The following PDE4D variants were observed in gnomAD, a reference collection of about 807,000 sequenced individuals.
PDE4D encodes 3',5'-cyclic-AMP phosphodiesterase 4D.
PDE4D carries 24 observed loss-of-function variants against 87.4 expected under a neutral mutation model. The observed-to-expected ratio is 0.27, with a 90% confidence interval of 0.20 to 0.39. PDE4D has a LOEUF of 0.39. Ranked by LOEUF, PDE4D falls within the 10% of genes least tolerant of loss-of-function variation. The pLI, the probability that PDE4D is intolerant of heterozygous loss-of-function variation, is 1.00. For missense variants in PDE4D, 714 were observed against 1,041.0 expected (o/e 0.69, Z 4.32); for synonymous variants, 384 against 383.2 (o/e 1.00, Z -0.02).
chr5:60,231,269 A>C (rs1160784745), intron 1 of PDE4D, among the ~76,000 whole-genome samples: 1 of 151,988 alleles, frequency 6.6e-6, no homozygotes, highest in Non-Finnish European at 1.5e-5. Context: ...AATTGGGGTC[A>C]TATGACCTGC....
intron 2 of PDE4D, chr5:60,033,053 G>C (rs1767412259): frequency 6.6e-6 from 1 of 152,080 alleles, no homozygotes; most frequent in African/African-American, 2.4e-5. Context: ...TTTGTGATTA[G>C]AGATCATGTC....
At chr5:59,180,258 C>T (rs1324845213) in intron 5 of PDE4D, 1 of 439,410 alleles carries the variant, frequency 2.3e-6, no homozygotes, top group East Asian at 5.7e-5. Flanking sequence ...TTATATCATG[C>T]TAATAACACA....
At chr5:59,993,995 A>G (rs1763274608) in intron 2 of PDE4D, among the ~76,000 whole-genome samples, 1 of 152,080 alleles carries the variant, frequency 6.6e-6, no homozygotes, top group African/African-American at 2.4e-5. Flanking sequence ...GCCTAAAGTA[A>G]GCAATTCCAT....
chr5:58,978,594 G>GA (rs1426800258), intron 11 of PDE4D, among the ~76,000 whole-genome samples: 2 of 152,238 alleles, frequency 1.3e-5, no homozygotes, highest in East Asian at 3.9e-4. Context: ...CTAGGAAGGA[G>GA]AGGAGAGGCT....
chr5:59,002,107 G>A, intron 6 of PDE4D: 1 of 509,682 alleles, frequency 2.0e-6, no homozygotes, highest in South Asian at 1.4e-5. Context: ...AAAAGACTGA[G>A]AGAAATAGAA....
chr5:60,212,970 A>G (rs1200644895), intron 1 of PDE4D, among the ~76,000 whole-genome samples: 3 of 152,102 alleles, frequency 2.0e-5, no homozygotes, highest in Non-Finnish European at 4.4e-5. Flanking sequence ...GTGACCATTC[A>G]TCCTTAGTCT....
At chr5:59,628,798 G>C (rs1831206395) in intron 1 of PDE4D, among the ~76,000 whole-genome samples, 2 of 152,206 alleles carry the variant, frequency 1.3e-5, no homozygotes, top group African/African-American at 4.8e-5. Context: ...AGAAAAGGTA[G>C]TTGTATTAGT....
intron 2 of PDE4D, among the ~76,000 whole-genome samples, chr5:59,212,308 C>G (rs1432829866): frequency 6.6e-6 from 1 of 151,996 alleles, no homozygotes; most frequent in Non-Finnish European, 1.5e-5. Context: ...TTTCCTTTTC[C>G]TTCCACAGAA....
At position 59,551,310 on chromosome 5, in the gene PDE4D, T is replaced by G. The variant is rs1361357850; in HGVS notation, c.456-335342A>C. ...TATTATATATTAATGAAATCTTTAT[T>G]TAAATAAATATTTAATAAAATATAT... On this transcript the variant is annotated intron_variant, in intron 1 of 14. Coordinates refer to ENST00000340635, the MANE Select transcript of PDE4D (RefSeq NM_001104631.2). Among the ~76,000 whole-genome samples the G allele has an allele frequency of 2.7e-5, 4 of 149,510 alleles. No individual in the cohort carries two copies. The East Asian group carries it at 7.7e-4, about 29-fold the overall frequency.
intron 5 of PDE4D, chr5:59,157,220 T>C (rs1459074319): frequency 4.4e-6 from 3 of 682,488 alleles, no homozygotes; most frequent in East Asian, 2.7e-5. Flanking sequence ...TGGTTAAAAC[T>C]GAAGCCTAGT....
chr5:60,190,713 C>A (rs1430576484), intron 1 of PDE4D, among the ~76,000 whole-genome samples: 2 of 152,190 alleles, frequency 1.3e-5, no homozygotes, highest in African/African-American at 4.8e-5. Context: ...CCTGTGCATG[C>A]ATTTTCCTAA....
At chr5:59,834,316 A>G (rs1581328348) in intron 1 of PDE4D, among the ~76,000 whole-genome samples, 1 of 152,146 alleles carries the variant, frequency 6.6e-6, no homozygotes, top group East Asian at 1.9e-4. Context: ...AGAGTGAGGC[A>G]CTGTAGGAAG....
chr5:59,217,568 C>T (rs532235462), intron 1 of PDE4D, among the ~76,000 whole-genome samples: 2 of 152,212 alleles, frequency 1.3e-5, no homozygotes, highest in Admixed American at 1.3e-4. Flanking sequence ...AATTGTGTCT[C>T]TTTATAGATA....
intron 1 of PDE4D, among the ~76,000 whole-genome samples, chr5:59,457,992 C>G (rs1476359740): frequency 6.6e-6 from 1 of 152,072 alleles, no homozygotes; most frequent in Non-Finnish European, 1.5e-5. Flanking sequence ...AAAATGTGAA[C>G]CGTTAATGTG....
chr5:60,088,689 A>T (rs1035549304), intron 2 of PDE4D, among the ~76,000 whole-genome samples: 1 of 151,986 alleles, frequency 6.6e-6, no homozygotes, highest in Non-Finnish European at 1.5e-5. Flanking sequence ...AGAAATCAAC[A>T]TGTCCTAATA....
At chr5:59,708,598 A>G (rs992101126) in intron 1 of PDE4D, among the ~76,000 whole-genome samples, 4 of 152,238 alleles carry the variant, frequency 2.6e-5, no homozygotes, top group African/African-American at 9.6e-5. Context: ...AACAAAATTC[A>G]GTCCAAAATC....
At chr5:59,649,904 C>CTTGTTTTTTTTTTTTTTTTTTTTTTTTT (rs1561402852) in intron 1 of PDE4D, among the ~76,000 whole-genome samples, 4 of 73,958 alleles carry the variant, frequency 5.4e-5, no homozygotes, top group African/African-American at 2.1e-4. Flanking sequence ...AGTTTGTGAA[C>CTTGTTTTTTTTTTTTTTTTTTTTTTTTT]CTTTTTTTTT....
chr5:60,511,399 T>A (rs2150255894), intron 1 of PDE4D, among the ~76,000 whole-genome samples: 1 of 152,252 alleles, frequency 6.6e-6, no homozygotes, highest in African/African-American at 2.4e-5. Flanking sequence ...CTTGGTAAAC[T>A]CTAAAGAATA....
chr5:60,438,604 C>G (rs1282313510), intron 1 of PDE4D, among the ~76,000 whole-genome samples: 2 of 151,924 alleles, frequency 1.3e-5, no homozygotes, highest in Non-Finnish European at 2.9e-5. Context: ...CCAAGTCAGT[C>G]TACACAGACC....
Sources: gnomAD v4.1 joint callset for allele counts (sites outside exome capture counted in the v4.1 genomes callset) on GRCh38, gnomAD v4.1.1 for gene constraint, MANE v1.5 for transcripts, NCBI Gene and HGNC (gene_info 2026-07-23, HGNC 2026-07-21) for gene names.